IL1RAPL2: variants seen among roughly 807,000 people sequenced by gnomAD.
The protein encoded by IL1RAPL2 is interleukin 1 receptor accessory protein like 2.
IL1RAPL2 carries 3 observed loss-of-function variants against 44.1 expected under a neutral mutation model. That is an observed-to-expected ratio of 0.07 (90% confidence interval 0.03 to 0.18). The LOEUF (loss-of-function observed/expected upper bound fraction) is 0.18. Among genes scored for constraint, IL1RAPL2 ranks in the 10% least tolerant of loss-of-function variants. IL1RAPL2 has a pLI of 1.00. For synonymous variants in IL1RAPL2, 181 were observed against 178.8 expected, an observed-to-expected ratio of 1.01 and a Z score of -0.10; for missense variants, 391 against 496.4, an observed-to-expected ratio of 0.79 and a Z score of 2.02.
At chrX:105,217,270 A>T (rs782215120) in intron 3 of IL1RAPL2, among the ~76,000 whole-genome samples, 4 of 111,291 alleles carry the variant, frequency 3.6e-5, no homozygotes, top group Non-Finnish European at 7.5e-5. Context: ...AAAAACAAAC[A>T]ACCCCATCAA....
intron 5 of IL1RAPL2, among the ~76,000 whole-genome samples, chrX:105,370,980 A>T (rs2035334946): frequency 8.9e-6 from 1 of 112,373 alleles, no homozygotes; most frequent in South Asian, 3.7e-4. Flanking sequence ...ATGTACATTT[A>T]TCTAATGACT....
At chrX:105,366,848 G>A (rs1385982823) in intron 5 of IL1RAPL2, among the ~76,000 whole-genome samples, 1 of 111,538 alleles carries the variant, frequency 9.0e-6, no homozygotes, top group Non-Finnish European at 1.9e-5. Context: ...ATATCTATTA[G>A]GTGTTTTTGT....
At chrX:105,598,722 A>G (rs1160313021) in intron 6 of IL1RAPL2, among the ~76,000 whole-genome samples, 1 of 111,658 alleles carries the variant, frequency 9.0e-6, no homozygotes, top group Non-Finnish European at 1.9e-5. Flanking sequence ...CATGCAAAAG[A>G]CCTACCTGCA....
At chrX:104,779,769 A>G (rs1050605088) in intron 2 of IL1RAPL2, among the ~76,000 whole-genome samples, 2 of 111,800 alleles carry the variant, frequency 1.8e-5, no homozygotes, top group Non-Finnish European at 3.8e-5. Context: ...TCTTGCTTCT[A>G]ACCCAACCAT....
chrX:104,866,775 C>G (rs1602768217), intron 2 of IL1RAPL2, among the ~76,000 whole-genome samples: 1 of 111,593 alleles, frequency 9.0e-6, no homozygotes, highest in South Asian at 3.8e-4. Context: ...TGGCTCATAG[C>G]AAGCATTGTT....
At chrX:105,396,684 G>A (rs1445125890) in intron 5 of IL1RAPL2, among the ~76,000 whole-genome samples, 1 of 107,167 alleles carries the variant, frequency 9.3e-6, no homozygotes, top group Non-Finnish European at 1.9e-5. Flanking sequence ...AATACTTAAG[G>A]GAGGTCTCCA....
At chrX:105,158,776 A>G (rs776887868) in intron 2 of IL1RAPL2, among the ~76,000 whole-genome samples, 7 of 111,908 alleles carry the variant, frequency 6.3e-5, no homozygotes, top group Non-Finnish European at 1.3e-4. Context: ...AGAGTCACAT[A>G]ACATATGGGT....
At chrX:105,598,596 A>G (rs1344999553) in intron 6 of IL1RAPL2, among the ~76,000 whole-genome samples, 2 of 111,690 alleles carry the variant, frequency 1.8e-5, no homozygotes, top group Non-Finnish European at 1.9e-5. Flanking sequence ...TAACAAAACT[A>G]TAAAACACTT....
chrX:104,876,062 A>C (rs1922892257), intron 2 of IL1RAPL2, among the ~76,000 whole-genome samples: 1 of 111,363 alleles, frequency 9.0e-6, no homozygotes, highest in Non-Finnish European at 1.9e-5. Context: ...AGTGGGTTGA[A>C]TGATTTCTCT....
At chrX:105,174,745 C>A (rs1293566520) in intron 2 of IL1RAPL2, among the ~76,000 whole-genome samples, 2 of 111,381 alleles carry the variant, frequency 1.8e-5, no homozygotes, top group Non-Finnish European at 3.8e-5. Flanking sequence ...TAATCCCCAC[C>A]CTCACCCTGT....
At chrX:105,478,478 G>C (rs1215964419) in intron 5 of IL1RAPL2, among the ~76,000 whole-genome samples, 1 of 110,281 alleles carries the variant, frequency 9.1e-6, no homozygotes, top group Non-Finnish European at 1.9e-5. Flanking sequence ...TGTCATTCTG[G>C]GATTTTGAAT....
At chrX:105,695,871 A>G (rs959889332) in intron 6 of IL1RAPL2, among the ~76,000 whole-genome samples, 1 of 112,147 alleles carries the variant, frequency 8.9e-6, no homozygotes, top group African/African-American at 3.2e-5. Context: ...TTTCTGCCTA[A>G]CTCAAATGCC....
intron 2 of IL1RAPL2, among the ~76,000 whole-genome samples, chrX:104,979,878 G>A (rs1196690824): frequency 1.8e-5 from 2 of 111,826 alleles, no homozygotes; most frequent in Non-Finnish European, 3.8e-5. Context: ...AATCTAGTGG[G>A]TAGAAGCCAG....
chrX:105,410,229 A>G lies in IL1RAPL2; in HGVS notation c.698-74084A>G, dbSNP rs954278246. On this transcript the variant is annotated intron_variant, in intron 5 of 10. Transcript: ENST00000372582. ...TTCTGGGTAGAAGTCAAGGCAGTAG[A>G]TCCATATATGGGAGTCATCAGTATC... Among the ~76,000 whole-genome samples, 4 of 110,617 alleles carry G rather than the reference A, an allele frequency of 3.6e-5. 1 individual carries two copies. In the Admixed American group the frequency reaches 3.9e-4, roughly 11 times the overall value.
intron 2 of IL1RAPL2, among the ~76,000 whole-genome samples, chrX:105,179,928 G>A (rs1320916082): frequency 9.1e-6 from 1 of 110,368 alleles, no homozygotes; most frequent in Non-Finnish European, 1.9e-5. Context: ...TTTATCATCA[G>A]CAAAAAGGGA....
chrX:104,669,001 G>C (rs1046887065), intron 2 of IL1RAPL2, among the ~76,000 whole-genome samples: 1 of 111,310 alleles, frequency 9.0e-6, no homozygotes, highest in Non-Finnish European at 1.9e-5. Flanking sequence ...CATAGCTCTC[G>C]TTACTTTTCA....
intron 2 of IL1RAPL2, among the ~76,000 whole-genome samples, chrX:104,940,822 C>T (rs1925148430): frequency 9.3e-6 from 1 of 107,292 alleles, no homozygotes; most frequent in Non-Finnish European, 1.9e-5. Flanking sequence ...TGGTGTGCTG[C>T]ACCCATTAAC....
chrX:104,841,597 C>T (rs1022264312), intron 2 of IL1RAPL2, among the ~76,000 whole-genome samples: 8 of 111,908 alleles, frequency 7.1e-5, no homozygotes, highest in African/African-American at 2.3e-4. Context: ...GTGACAAAAT[C>T]CCTCAGCATT....
At chrX:105,491,668 G>A (rs746930647) in intron 6 of IL1RAPL2, among the ~76,000 whole-genome samples, 51 of 111,700 alleles carry the variant, frequency 4.6e-4, no homozygotes, top group Admixed American at 3.2e-3. Context: ...AGGATAACAC[G>A]CACAAGCTTA....
Sources: gnomAD v4.1 joint callset for allele counts (sites outside exome capture counted in the v4.1 genomes callset) on GRCh38, gnomAD v4.1.1 for gene constraint, MANE v1.5 for transcripts, NCBI Gene and HGNC (gene_info 2026-07-23, HGNC 2026-07-21) for gene names.